The following PDE4D variants were observed in gnomAD, a reference collection of about 807,000 sequenced individuals.
PDE4D encodes 3',5'-cyclic-AMP phosphodiesterase 4D.
A neutral mutation model predicts 87.4 loss-of-function variants in PDE4D; 24 were observed. The observed-to-expected ratio is 0.27, with a 90% CI of 0.20 to 0.39. The LOEUF (loss-of-function observed/expected upper bound fraction) is 0.39, where lower values mean the gene tolerates loss of function less well. Ranked by LOEUF, PDE4D falls within the 10% of genes least tolerant of loss-of-function variation. PDE4D has a pLI of 1.00. For synonymous variants in PDE4D, 384 were observed against 383.2 expected, an observed-to-expected ratio of 1.00 and a Z score of -0.02; for missense variants, 714 against 1,041.0, an observed-to-expected ratio of 0.69 and a Z score of 4.32.
At chr5:59,385,467 A>AT (rs1011642928) in intron 1 of PDE4D, among the ~76,000 whole-genome samples, 1 of 151,986 alleles carries the variant, frequency 6.6e-6, no homozygotes, top group East Asian at 1.9e-4. Flanking sequence ...TCCAGCATCT[A>AT]TTTTTTTAAG....
At chr5:59,484,284 T>A (rs147253746) in intron 1 of PDE4D, among the ~76,000 whole-genome samples, 2,477 of 152,300 alleles carry the variant, frequency 0.016, 82 homozygotes, top group African/African-American at 0.057. Flanking sequence ...CACTAACTGG[T>A]GATTCAGTAT....
intron 3 of PDE4D, among the ~76,000 whole-genome samples, chr5:59,902,882 C>T (rs759330570): frequency 6.6e-6 from 1 of 152,150 alleles, no homozygotes; most frequent in Non-Finnish European, 1.5e-5. Flanking sequence ...ATTTGGGGAA[C>T]CTAAATAGAA....
chr5:59,621,959 C>T (rs879803081), intron 1 of PDE4D, among the ~76,000 whole-genome samples: 11 of 152,164 alleles, frequency 7.2e-5, no homozygotes, highest in African/African-American at 1.4e-4. Flanking sequence ...TATATTTATA[C>T]GTTATAGTTT....
intron 1 of PDE4D, among the ~76,000 whole-genome samples, chr5:60,396,123 C>G (rs1288728231): frequency 6.6e-6 from 1 of 152,174 alleles, no homozygotes. Context: ...GGGCACTGCT[C>G]TTTTCTGTTT....
chr5:60,222,290 C>T (rs1306174519), intron 1 of PDE4D, among the ~76,000 whole-genome samples: 1 of 151,992 alleles, frequency 6.6e-6, no homozygotes, highest in African/African-American at 2.4e-5. Flanking sequence ...ATATGAGTAA[C>T]CTGTATTGGA....
chr5:60,240,137 T>TAGAA, intron 1 of PDE4D, among the ~76,000 whole-genome samples: 1 of 152,106 alleles, frequency 6.6e-6, no homozygotes, highest in Non-Finnish European at 1.5e-5. Flanking sequence ...CACACATTTT[T>TAGAA]CTTTTATTAT....
At chr5:59,895,851 AT>A (rs1751581498), upstream of PDE4D, among the ~76,000 whole-genome samples, 1 of 152,140 alleles carries the variant, frequency 6.6e-6, no homozygotes, top group Admixed American at 6.5e-5. Flanking sequence ...ATCCAACCTG[AT>A]TTTCACCACC....
At position 59,224,797 on chromosome 5, in the gene PDE4D, T is replaced by C. The variant is rs796269547; in HGVS notation, c.456-8829A>G. 4.7e-4 allele frequency among the ~76,000 whole-genome samples: 71 copies of C among 152,282 alleles called. 1 individual carries two copies. The highest frequency in any genetic ancestry group is 1.6e-3 in the African/African-American group (66 of 41,558). ...ACACAAGAGCATTCTCTCTTCACCA[T>C]GTGAGGACAGAGTGAGAAAGCAGCC... On this transcript the variant is annotated intron_variant, in intron 1 of 14. Coordinates refer to ENST00000340635, the MANE Select transcript of PDE4D (RefSeq NM_001104631.2).
chr5:59,980,014 A>G (rs922637245), intron 3 of PDE4D, among the ~76,000 whole-genome samples: 5 of 152,180 alleles, frequency 3.3e-5, no homozygotes, highest in African/African-American at 1.2e-4. Flanking sequence ...TTCATTTTGG[A>G]TTTCTCCAAG....
At chr5:60,384,497 C>T (rs1290745456) in intron 1 of PDE4D, among the ~76,000 whole-genome samples, 2 of 152,180 alleles carry the variant, frequency 1.3e-5, no homozygotes, top group East Asian at 3.8e-4. Flanking sequence ...TGAAGTCTGA[C>T]CTTGCCAAGC....
chr5:60,116,299 G>A (rs527732978), intron 2 of PDE4D, among the ~76,000 whole-genome samples: 78 of 152,202 alleles, frequency 5.1e-4, no homozygotes, highest in African/African-American at 1.8e-3. Flanking sequence ...CAGACAAAAG[G>A]TTGAGACCCA....
intron 1 of PDE4D, among the ~76,000 whole-genome samples, chr5:60,410,665 C>T (rs1044615599): frequency 6.6e-6 from 1 of 152,178 alleles, no homozygotes; most frequent in African/African-American, 2.4e-5. Flanking sequence ...ACAAAGCAGA[C>T]ACTATGACTG....
intron 1 of PDE4D, among the ~76,000 whole-genome samples, chr5:59,613,023 A>G (rs943898386): frequency 2.0e-5 from 3 of 152,226 alleles, no homozygotes; most frequent in Non-Finnish European, 4.4e-5. Context: ...AATGCCACCT[A>G]GACTGGAGCA....
intron 1 of PDE4D, among the ~76,000 whole-genome samples, chr5:60,400,652 C>T (rs1017528661): frequency 2.0e-5 from 3 of 151,622 alleles, no homozygotes; most frequent in African/African-American, 4.8e-5. Context: ...AACTGAGGGG[C>T]TGGGTGCGAT....
At chr5:59,026,141 A>G (rs1756192341) in intron 6 of PDE4D, among the ~76,000 whole-genome samples, 4 of 152,260 alleles carry the variant, frequency 2.6e-5, no homozygotes. Context: ...TATTGCTAAA[A>G]TAGGTAGAGA....
At chr5:59,083,941 T>C (rs1767226308) in intron 5 of PDE4D, among the ~76,000 whole-genome samples, 1 of 152,230 alleles carries the variant, frequency 6.6e-6, no homozygotes, top group Admixed American at 6.5e-5. Context: ...ACTTATAAAC[T>C]GCTTATAAGC....
chr5:59,532,728 C>G (rs910300631), intron 1 of PDE4D, among the ~76,000 whole-genome samples: 1 of 152,192 alleles, frequency 6.6e-6, no homozygotes, highest in Non-Finnish European at 1.5e-5. Flanking sequence ...AAACCCCATT[C>G]AAGATGCTGA....
At chr5:59,182,230 C>T (rs1031844695) in intron 4 of PDE4D, among the ~76,000 whole-genome samples, 8 of 150,772 alleles carry the variant, frequency 5.3e-5, no homozygotes, top group Non-Finnish European at 8.8e-5. Flanking sequence ...GTCTATATAC[C>T]AGTAATTATC....
intron 2 of PDE4D, among the ~76,000 whole-genome samples, chr5:60,039,218 A>C (rs1306987589): frequency 1.3e-5 from 2 of 152,222 alleles, no homozygotes; most frequent in Non-Finnish European, 1.5e-5. Flanking sequence ...CTGGATTAAG[A>C]AAATGTGGCA....
Sources: gnomAD v4.1 joint callset for allele counts (sites outside exome capture counted in the v4.1 genomes callset) on GRCh38, gnomAD v4.1.1 for gene constraint, MANE v1.5 for transcripts, NCBI Gene and HGNC (gene_info 2026-07-23, HGNC 2026-07-21) for gene names.